AIG1: variants seen among roughly 807,000 people sequenced by gnomAD.
AIG1 encodes androgen induced 1.
A neutral mutation model predicts 31.4 loss-of-function variants in AIG1; 23 were observed. The ratio of observed to expected loss-of-function variants is 0.73; its 90% CI spans 0.53 to 1.04. AIG1 has a LOEUF of 1.04. Among genes scored for constraint, AIG1 ranks in the 50% least tolerant of loss-of-function variants. The probability of loss-of-function intolerance (pLI) is 0.00; values close to 1 mark genes in which losing one functional copy is unlikely to be tolerated. For synonymous variants in AIG1, 100 were observed against 110.5 expected (o/e 0.90, Z 0.60); for missense variants, 274 against 295.0 (o/e 0.93, Z 0.52).
At chr6:143,096,198 G>T (rs12190905) in intron 1 of AIG1, among the ~76,000 whole-genome samples, 9,237 of 152,140 alleles carry the variant, frequency 0.061, 416 homozygotes, top group Non-Finnish European at 0.096. Flanking sequence ...GAGCCACCAC[G>T]CCCGGCCCTA....
At chr6:143,103,373 T>A (rs1025556139) in intron 1 of AIG1, among the ~76,000 whole-genome samples, 1 of 152,198 alleles carries the variant, frequency 6.6e-6, no homozygotes, top group Admixed American at 6.5e-5. Context: ...CACTGCTTTG[T>A]GGAATGTATA....
At chr6:143,067,236 T>C (rs1450889729) in intron 1 of AIG1, among the ~76,000 whole-genome samples, 3 of 152,198 alleles carry the variant, frequency 2.0e-5, no homozygotes, top group Non-Finnish European at 4.4e-5. Context: ...TAGTGTAATA[T>C]ATAGAAAAAT....
rs577845347 is a variant in AIG1, at chr6:143,218,180, T to A, written c.399+52997T>A. Among the ~76,000 whole-genome samples the A allele has an allele frequency of 8.5e-5, 13 of 152,366 alleles. No homozygotes were observed. The South Asian group carries it at 2.7e-3, about 32-fold the overall frequency. On this transcript the variant is annotated intron_variant, in intron 3 of 5. Transcript: ENST00000357847. ...TAATATTGTCCTCACTTGGGGTTTGTTCTTTTATTTAGTTGTGGGATATTT... is the reference window on the plus strand; with the variant it reads ...TAATATTGTCCTCACTTGGGGTTTGATCTTTTATTTAGTTGTGGGATATTT...
chr6:143,262,218 G>A (rs536668442), intron 3 of AIG1, among the ~76,000 whole-genome samples: 1 of 152,286 alleles, frequency 6.6e-6, no homozygotes, highest in African/African-American at 2.4e-5. Flanking sequence ...GCCAGGGGAG[G>A]GAAGGTAAAT....
chr6:143,096,320 C>T (rs1343144846), intron 1 of AIG1, among the ~76,000 whole-genome samples: 1 of 152,202 alleles, frequency 6.6e-6, no homozygotes, highest in Non-Finnish European at 1.5e-5. Context: ...TGTTAATTAG[C>T]ACCTGAAAGT....
At chr6:143,270,274 C>T (rs149976477) in intron 3 of AIG1, among the ~76,000 whole-genome samples, 1 of 152,270 alleles carries the variant, frequency 6.6e-6, no homozygotes, top group East Asian at 1.9e-4. Flanking sequence ...CATCTGAGCT[C>T]AGCATTGACC....
intron 2 of AIG1, among the ~76,000 whole-genome samples, chr6:143,150,368 A>G (rs1785100046): frequency 6.6e-6 from 1 of 152,334 alleles, no homozygotes; most frequent in East Asian, 1.9e-4. Context: ...GAAGCCTTCA[A>G]TAGACCTTCT....
intron 3 of AIG1, among the ~76,000 whole-genome samples, chr6:143,234,153 G>C (rs574170532): frequency 2.6e-5 from 4 of 152,214 alleles, no homozygotes; most frequent in South Asian, 4.1e-4. Flanking sequence ...GGTGGTCGGC[G>C]GGGGGACTAT....
intron 1 of AIG1, among the ~76,000 whole-genome samples, chr6:143,113,535 G>A (rs1276360499): frequency 2.0e-5 from 3 of 150,978 alleles, no homozygotes; most frequent in Non-Finnish European, 2.9e-5. Flanking sequence ...CTCAGGAGGC[G>A]GAGGTTGTGG....
At chr6:143,261,383 C>T (rs1228425078) in intron 3 of AIG1, among the ~76,000 whole-genome samples, 2 of 152,136 alleles carry the variant, frequency 1.3e-5, no homozygotes, top group African/African-American at 2.4e-5. Context: ...CCACCCGCCT[C>T]GGCCTCTCAA....
At chr6:143,203,563 A>G (rs551403311) in intron 3 of AIG1, among the ~76,000 whole-genome samples, 1 of 152,210 alleles carries the variant, frequency 6.6e-6, no homozygotes, top group Non-Finnish European at 1.5e-5. Context: ...TCTTACCTAG[A>G]CTGTGCCCTC....
At position 143,339,674 on chromosome 6, in the gene AIG1, T is replaced by C; in HGVS notation, c.715T>C (p.Ter239ArgextTer14). Residue 239 changes from the stop codon to arginine (R), a stop_lost, in exon 6 of 6, where the codon TGA (stop) becomes CGA (arginine). Coordinates refer to ENST00000357847, the MANE Select transcript of AIG1 (RefSeq NM_016108.4). The part of the protein sequence containing the change: ...EEEKEKPKLE[*>R] Reference sequence around the variant, plus strand: ...AGAGAAAGAAAAGCCTAAATTGGAATGAGATCCAAGTCTAAACGCAAGAGC... The same window carrying C: ...AGAGAAAGAAAAGCCTAAATTGGAACGAGATCCAAGTCTAAACGCAAGAGC... 6.2e-7 allele frequency: 1 copy of C among 1,613,312 alleles called. No homozygotes were observed. Among genetic ancestry groups the C allele is most frequent in the African/African-American group, 1.3e-5 (1 of 74,984 alleles).
intron 3 of AIG1, chr6:143,187,479 A>G (rs946030490): frequency 7.2e-6 from 11 of 1,535,524 alleles, no homozygotes; most frequent in East Asian, 2.4e-5. Context: ...ACTCTGCTCA[A>G]TTGAAGACAT....
At chr6:143,269,424 A>G (rs1165811933) in intron 3 of AIG1, among the ~76,000 whole-genome samples, 1 of 152,220 alleles carries the variant, frequency 6.6e-6, no homozygotes, top group Non-Finnish European at 1.5e-5. Context: ...GTTAAAGTTG[A>G]ATATCTGTGA....
At chr6:143,259,528 AATAT>A (rs921469842) in intron 3 of AIG1, among the ~76,000 whole-genome samples, 1 of 152,102 alleles carries the variant, frequency 6.6e-6, no homozygotes, top group Non-Finnish European at 1.5e-5. Context: ...TTTTGGTCTT[AATAT>A]ATATGTATGC....
chr6:143,263,184 C>T (rs1795926570), intron 3 of AIG1, among the ~76,000 whole-genome samples: 1 of 152,114 alleles, frequency 6.6e-6, no homozygotes, highest in Non-Finnish European at 1.5e-5. Context: ...TTAAATGGTT[C>T]CCTAGCAAAG....
chr6:143,210,081 T>C (rs1043124020), intron 3 of AIG1, among the ~76,000 whole-genome samples: 2 of 152,200 alleles, frequency 1.3e-5, no homozygotes, highest in African/African-American at 4.8e-5. Context: ...TGGGGGCAGT[T>C]ACCCTCATGC....
At chr6:143,169,594 T>A (rs1787299022) in intron 3 of AIG1, among the ~76,000 whole-genome samples, 1 of 152,028 alleles carries the variant, frequency 6.6e-6, no homozygotes, top group African/African-American at 2.4e-5. Flanking sequence ...CTCTCCATAC[T>A]CTCCCCTCCT....
intron 1 of AIG1, among the ~76,000 whole-genome samples, chr6:143,114,584 G>A (rs994407903): frequency 1.3e-5 from 2 of 152,146 alleles, no homozygotes; most frequent in African/African-American, 4.8e-5. Flanking sequence ...ATTACAATTG[G>A]AATAAAACGT....
Sources: gnomAD v4.1 joint callset for allele counts (sites outside exome capture counted in the v4.1 genomes callset) on GRCh38, gnomAD v4.1.1 for gene constraint, MANE v1.5 for transcripts, NCBI Gene and HGNC (gene_info 2026-07-23, HGNC 2026-07-21) for gene names.